COL9A1: variants seen among roughly 807,000 people sequenced by gnomAD.
COL9A1 encodes collagen alpha-1(IX) chain.
Under a neutral mutation model 142.6 loss-of-function variants are expected in COL9A1, and 104 were observed. The observed-to-expected ratio is 0.73, with a 90% confidence interval of 0.62 to 0.86. The LOEUF (loss-of-function observed/expected upper bound fraction) is 0.86, where lower values mean the gene tolerates loss of function less well. Ranked by LOEUF, COL9A1 falls within the 40% of genes least tolerant of loss-of-function variation. The pLI is 0.00. For missense variants in COL9A1, 1,210 were observed against 1,176.6 expected (o/e 1.03, Z -0.42); for synonymous variants, 466 against 396.0 (o/e 1.18, Z -2.10).
intron 2 of COL9A1, among the ~76,000 whole-genome samples, chr6:70,300,870 T>C (rs1041086552): frequency 5.9e-5 from 9 of 152,190 alleles, no homozygotes; most frequent in Non-Finnish European, 1.3e-4. Flanking sequence ...GAGCCAACCT[T>C]GGTCCAGTTC....
intron 33 of COL9A1, 34 bp downstream of exon 33, chr6:70,239,220 A>AT (rs1287475049): frequency 7.2e-7 from 1 of 1,383,474 alleles, no homozygotes; most frequent in Non-Finnish European, 1.0e-6. Context: ...AATGTTTTTA[A>AT]TTTTTTTATA....
At chr6:70,268,729 A>G (rs748880671) in intron 17 of COL9A1, 75 bp downstream of exon 17, 18 of 1,345,506 alleles carry the variant, frequency 1.3e-5, no homozygotes, top group Non-Finnish European at 1.9e-5. Context: ...TGCACCAGGA[A>G]GGCTAATGCT....
chr6:70,292,403 T>C (rs1201008562), intron 5 of COL9A1, among the ~76,000 whole-genome samples: 4 of 152,196 alleles, frequency 2.6e-5, no homozygotes, highest in African/African-American at 9.7e-5. Context: ...AGAATCAGAA[T>C]GTAAAACCAG....
chr6:70,233,421 G>A (rs1209450438), intron 35 of COL9A1, among the ~76,000 whole-genome samples: 1 of 152,062 alleles, frequency 6.6e-6, no homozygotes, highest in East Asian at 1.9e-4. Context: ...TAACTGTGTG[G>A]GCTTTTTCAG....
At chr6:70,223,609 A>G (rs1340736638) in intron 37 of COL9A1, among the ~76,000 whole-genome samples, 1 of 152,186 alleles carries the variant, frequency 6.6e-6, no homozygotes, top group Admixed American at 6.5e-5. Context: ...TCAACAAGAG[A>G]ATGTGGGCCG....
chr6:70,302,500 A>G (rs946223024), intron 1 of COL9A1, among the ~76,000 whole-genome samples: 26 of 151,788 alleles, frequency 1.7e-4, no homozygotes, highest in African/African-American at 5.8e-4. Context: ...AAGCCACCGC[A>G]CCCAGCCTTC....
chr6:70,279,621 C>G (rs1772986188), intron 10 of COL9A1: 1 of 123,114 alleles, frequency 8.1e-6, no homozygotes, highest in African/African-American at 3.4e-5. Flanking sequence ...GCACTCCAGC[C>G]TGGGCAACAA....
At chr6:70,260,548 CAA>C (rs34147259) in intron 20 of COL9A1, 107 bp downstream of exon 20, 17,494 of 607,438 alleles carry the variant, frequency 0.029, no homozygotes, top group South Asian at 0.032. Context: ...AACTCCATCT[CAA>C]AAAAAAAAAA....
At chr6:70,233,080 A>T (rs1292545258) in intron 35 of COL9A1, among the ~76,000 whole-genome samples, 1 of 152,124 alleles carries the variant, frequency 6.6e-6, no homozygotes, top group East Asian at 1.9e-4. Flanking sequence ...TTTGGGGTGA[A>T]CGATGTTCTG....
intron 5 of COL9A1, among the ~76,000 whole-genome samples, chr6:70,291,822 A>G (rs1409464739): frequency 1.3e-5 from 2 of 152,182 alleles, no homozygotes; most frequent in Non-Finnish European, 2.9e-5. Flanking sequence ...GCTAGTTGGC[A>G]TAGCAGAAGA....
intron 18 of COL9A1, among the ~76,000 whole-genome samples, chr6:70,264,951 T>C (rs1460195943): frequency 6.6e-6 from 1 of 152,126 alleles, no homozygotes; most frequent in Non-Finnish European, 1.5e-5. Flanking sequence ...CCATTCTGTT[T>C]TCAGTTTCAG....
intron 37 of COL9A1, among the ~76,000 whole-genome samples, chr6:70,222,126 T>C (rs188507339): frequency 1.3e-5 from 2 of 152,322 alleles, no homozygotes; most frequent in East Asian, 1.9e-4. Flanking sequence ...GACAGACTTT[T>C]GTCAGGACAT....
chr6:70,256,789 A>G lies in COL9A1; in HGVS notation c.1482T>C (p.Pro494=). The G allele has an allele frequency of 6.2e-7, 1 of 1,613,844 alleles. No individual in the cohort carries two copies. The highest frequency in any genetic ancestry group is 8.5e-7 in the Non-Finnish European group (1 of 1,179,966). Residue 494 remains proline, a synonymous_variant, in exon 21 of 38, where the codon CCT becomes CCC. Coordinates refer to ENST00000357250, the MANE Select transcript of COL9A1 (RefSeq NM_001851.6). ...GARGLDGEPG[P]QGLPGAPGDQ... ...TTACAGGTGCACCAGGAAGACCCTG[A>G]GGCCCAGGTTCACCATCTAAGCCCC... is the stretch of plus-strand genomic sequence containing the variant.
intron 36 of COL9A1, among the ~76,000 whole-genome samples, chr6:70,227,890 G>A (rs1395861495): frequency 2.6e-5 from 4 of 151,958 alleles, no homozygotes; most frequent in African/African-American, 9.7e-5. Context: ...CTTGCTAAAG[G>A]ACAATATGAT....
chr6:70,216,753 T>C lies in COL9A1; in HGVS notation c.*144A>G. On this transcript the variant is annotated 3_prime_UTR_variant, in exon 38 of 38. Transcript: ENST00000357250. ...CGTTCTTCTATATGTGATTGTCAAG[T>C]AGGACTTCTGTAATCATACTGAAGG... is the stretch of plus-strand genomic sequence containing the variant. 2.4e-6 allele frequency: 2 copies of C among 840,398 alleles called. No individual in the cohort carries two copies. Among genetic ancestry groups the C allele is most frequent in the Non-Finnish European group, 4.0e-6 (2 of 503,360 alleles). The allele number at this position is 840,398 out of a possible 1,614,324, so 52.1% of individuals were successfully genotyped here.
rs775559838 is a variant in COL9A1 at position 70,217,083 on chromosome 6, T to C, written c.2582-2A>G. ...CATAGCTGGCAGGGCCTGGGTCACC[T>C]GAAACACACAGAAGATTGCACATGT... On this transcript the variant is annotated splice_acceptor_variant, in intron 37 of 37. Coordinates refer to ENST00000357250, the MANE Select transcript of COL9A1 (RefSeq NM_001851.6). LOFTEE classifies it high-confidence loss of function. 5 of 1,613,890 alleles carry C rather than the reference T, an allele frequency of 3.1e-6. No homozygotes were observed. In the South Asian group the frequency reaches 3.3e-5, roughly 11 times the overall value.
chr6:70,235,005 A>C, intron 33 of COL9A1, 65 bp from the exon 34 acceptor site: 4 of 1,602,100 alleles, frequency 2.5e-6, no homozygotes, highest in Non-Finnish European at 3.4e-6. Context: ...CTTCATACTC[A>C]TATAAACACT....
intron 28 of COL9A1, among the ~76,000 whole-genome samples, chr6:70,244,931 G>T (rs1439393902): frequency 6.6e-6 from 1 of 152,172 alleles, no homozygotes; most frequent in African/African-American, 2.4e-5. Flanking sequence ...TGCTGAACTT[G>T]TGTACCCATA....
In COL9A1 at chr6:70,263,223, AT is replaced by A. The variant is rs769058356; in HGVS notation, c.1395+20del. 116 of 1,568,210 alleles carry A rather than the reference AT, an allele frequency of 7.4e-5. No individual in the cohort carries two copies. Among genetic ancestry groups the A allele is most frequent in the Non-Finnish European group, 9.6e-6 (11 of 1,150,326 alleles). ...GAATATTTACATATCCTAGTTAAAT[AT>A]TTTTTAAAAAATACTTTACTGGAGG... On this transcript the variant is annotated intron_variant, in intron 19 of 37. Transcript: ENST00000357250.
Sources: allele counts gnomAD v4.1 joint callset (sites outside exome capture counted in the v4.1 genomes callset), GRCh38; gene constraint gnomAD v4.1.1; transcripts MANE v1.5; gene names NCBI Gene and HGNC (gene_info 2026-07-23, HGNC 2026-07-21).